The following TTC19 variants were observed in gnomAD, a reference collection of about 807,000 sequenced individuals.
The protein encoded by TTC19 is tetratricopeptide repeat protein 19, mitochondrial.
TTC19 carries 38 observed loss-of-function variants against 49.5 expected under a neutral mutation model. That is an observed-to-expected ratio of 0.77 (90% CI 0.59 to 1.01). TTC19 has a LOEUF of 1.01. Among genes scored for constraint, TTC19 ranks in the 50% least tolerant of loss-of-function variants. TTC19 has a pLI of 0.00. For missense variants in TTC19, 475 were observed against 477.7 expected, an observed-to-expected ratio of 0.99 and a Z score of 0.05; for synonymous variants, 204 against 185.2, an observed-to-expected ratio of 1.10 and a Z score of -0.83.
intron 7 of TTC19, among the ~76,000 whole-genome samples, chr17:16,021,018 T>G (rs1047031547): frequency 6.6e-6 from 1 of 151,728 alleles, no homozygotes; most frequent in African/African-American, 2.4e-5. Context: ...GTTCATTCAT[T>G]CAACAATTCA....
chr17:16,017,089 A>C (rs71358384), intron 7 of TTC19, among the ~76,000 whole-genome samples: 1 of 152,204 alleles, frequency 6.6e-6, no homozygotes, highest in Non-Finnish European at 1.5e-5. Flanking sequence ...TTGTCCCTTC[A>C]TCAGGAAAAT....
intron 7 of TTC19, among the ~76,000 whole-genome samples, chr17:16,020,885 G>C (rs1055758841): frequency 2.0e-5 from 3 of 152,020 alleles, no homozygotes; most frequent in Non-Finnish European, 4.4e-5. Flanking sequence ...ATGAGGTTTC[G>C]CTATGTTGTC....
intron 7 of TTC19, among the ~76,000 whole-genome samples, chr17:16,016,552 ATT>A (rs769994419): frequency 6.4e-5 from 6 of 94,052 alleles, no homozygotes; most frequent in Admixed American, 1.1e-4. Context: ...AGTTGTTCTA[ATT>A]TTTTTTTTTT....
intron 2 of TTC19, among the ~76,000 whole-genome samples, chr17:16,043,884 A>C (rs2058182753): frequency 6.6e-6 from 1 of 152,216 alleles, no homozygotes; most frequent in African/African-American, 2.4e-5. Flanking sequence ...TTTTTTGAAA[A>C]GGTGGCCGGA....
rs1356314727 is a variant in TTC19 at position 15,999,883 on chromosome 17, G to A, written c.35G>A (p.Gly12Asp). 6.4e-6 allele frequency: 9 copies of A among 1,416,422 alleles called. No individual in the cohort carries two copies. The highest frequency in any genetic ancestry group is 1.5e-5 in the African/African-American group (1 of 66,312). The allele number at this position is 1,416,422 out of a possible 1,614,324, so 87.7% of individuals were successfully genotyped here. Residue 12 changes from glycine (G) to aspartate (D), a missense_variant, in exon 1 of 10, where the codon GGC becomes GAC. Coordinates refer to ENST00000261647, the MANE Select transcript of TTC19 (RefSeq NM_017775.4). The part of the protein sequence containing the change: ...FRLLSWSLGR[G>D]FLRAAGRRCR... ...CTCCTGAGCTGGAGCCTGGGCCGAG[G>A]CTTCCTGCGGGCCGCGGGGCGGCGG...
chr17:16,006,455 T>C lies in TTC19; in HGVS notation c.582-19T>C. 1 of 1,534,370 alleles carries C rather than the reference T, an allele frequency of 6.5e-7. No individual in the cohort carries two copies. Among genetic ancestry groups the C allele is most frequent in the Non-Finnish European group, 9.0e-7 (1 of 1,107,952 alleles). The stretch of plus-strand genomic sequence containing the variant: ...AAAGAAGAAAAGGTAAATGGCTGAT[T>C]ATTGATTTTGCTTTACAGACAGGAA... On this transcript the variant is annotated intron_variant, in intron 6 of 9. Coordinates refer to ENST00000261647, the MANE Select transcript of TTC19 (RefSeq NM_017775.4).
chr17:16,044,972 A>T (rs2058414509), exon 3 of TTC19: 1 of 545,440 alleles, frequency 1.8e-6, no homozygotes, highest in African/African-American at 1.9e-5. Context: ...ATTTCTTATA[A>T]CGTGTTCAAT....
chr17:16,013,403 T>G (rs540168282), intron 7 of TTC19, among the ~76,000 whole-genome samples: 7 of 152,232 alleles, frequency 4.6e-5, no homozygotes, highest in Non-Finnish European at 1.0e-4. Flanking sequence ...GCAAAAGTCC[T>G]TGCTCTTCTG....
chr17:16,027,994 T>C lies in TTC19; in HGVS notation c.*472T>C, dbSNP rs760575382. On this transcript the variant is annotated 3_prime_UTR_variant, in exon 10 of 10. Coordinates refer to ENST00000261647, the MANE Select transcript of TTC19 (RefSeq NM_017775.4). ...GGGGATTATGGTGAATTGTTGTTCT[T>C]ATAGTCTGTTTCATGAAGCACAAGT... The C allele has an allele frequency of 2.2e-6, 1 of 454,224 alleles. No homozygotes were observed. Among genetic ancestry groups the C allele is most frequent in the Non-Finnish European group, 4.4e-6 (1 of 226,874 alleles). The allele number at this position is 454,224 out of a possible 1,614,324, so 28.1% of individuals were successfully genotyped here. A position where few individuals can be genotyped will look rare whatever the true frequency, so the allele number is the denominator to read the frequency against.
At chr17:16,022,411 C>T (rs1971413994) in intron 7 of TTC19, among the ~76,000 whole-genome samples, 1 of 152,206 alleles carries the variant, frequency 6.6e-6, no homozygotes, top group African/African-American at 2.4e-5. Flanking sequence ...ACCATTAACA[C>T]TCATCAGAAA....
rs773086179 is a variant in TTC19, at chr17:16,028,890, T to C, written c.*1368T>C. On this transcript the variant is annotated 3_prime_UTR_variant, in exon 10 of 10. Transcript: ENST00000261647. ...AACACCAGAAACCTTGAGGTCCAAA[T>C]CCTCAGGGATTAGACTAAAACTAGA... 1.1e-4 allele frequency: 43 copies of C among 391,040 alleles called. No homozygotes were observed. The highest frequency in any genetic ancestry group is 6.7e-4 in the South Asian group (36 of 54,022). The allele number at this position is 391,040 out of a possible 1,614,324, so 24.2% of individuals were successfully genotyped here. A position where few individuals can be genotyped will look rare whatever the true frequency, so the allele number is the denominator to read the frequency against.
rs913641566 is a variant in TTC19, at chr17:16,000,043, C to T, written c.184+11C>T. On this transcript the variant is annotated intron_variant, in intron 1 of 9. Coordinates refer to ENST00000261647, the MANE Select transcript of TTC19 (RefSeq NM_017775.4). ...TGCCGCTGCTGGCAGGTGAGGGGCG[C>T]GGGCCGGGCGGGGCCGGCCGGGCGG... 7.9e-7 allele frequency: 1 copy of T among 1,262,364 alleles called. No homozygotes were observed. The highest frequency in any genetic ancestry group is 9.9e-7 in the Non-Finnish European group (1 of 1,006,532). 78.2% of individuals were successfully genotyped at this position (1,262,364 alleles called of 1,614,324 possible).
At chr17:16,039,088 C>T in intron 2 of TTC19, 1 of 211,170 alleles carries the variant, frequency 4.7e-6, no homozygotes. Flanking sequence ...TTCTTTTCTA[C>T]TGAGCCTAAT....
chr17:16,018,851 A>G (rs979876613), intron 7 of TTC19, among the ~76,000 whole-genome samples: 1 of 152,172 alleles, frequency 6.6e-6, no homozygotes, highest in Admixed American at 6.5e-5. Context: ...AAACAAAAGT[A>G]AAGTTTTGAG....
chr17:16,022,667 A>G (rs1198214548), intron 7 of TTC19, among the ~76,000 whole-genome samples: 1 of 152,148 alleles, frequency 6.6e-6, no homozygotes, highest in Admixed American at 6.5e-5. Flanking sequence ...CCTTTAGTCT[A>G]TATTTATGTA....
At chr17:16,012,679 C>T (rs1184003757) in intron 7 of TTC19, among the ~76,000 whole-genome samples, 9 of 151,972 alleles carry the variant, frequency 5.9e-5, no homozygotes, top group Admixed American at 1.3e-4. Flanking sequence ...GCTGGGATTA[C>T]AGGCATATGC....
intron 2 of TTC19, among the ~76,000 whole-genome samples, chr17:16,035,151 G>T (rs1398346100): frequency 6.6e-6 from 1 of 152,148 alleles, no homozygotes. Flanking sequence ...CTGGTGGATG[G>T]TCTTGCCTCC....
chr17:16,001,074 A>G (rs1278161866), intron 2 of TTC19, among the ~76,000 whole-genome samples: 2 of 152,138 alleles, frequency 1.3e-5, no homozygotes, highest in Non-Finnish European at 2.9e-5. Flanking sequence ...ATTGCCACCA[A>G]CTATGCTCCA....
chr17:16,017,368 G>A (rs566767715), intron 7 of TTC19, among the ~76,000 whole-genome samples: 9 of 144,794 alleles, frequency 6.2e-5, no homozygotes, highest in South Asian at 2.1e-4. Context: ...AGAATGGCAC[G>A]AACCCAGAAG....
Sources: gnomAD v4.1 joint callset for allele counts (sites outside exome capture counted in the v4.1 genomes callset) on GRCh38, gnomAD v4.1.1 for gene constraint, MANE v1.5 for transcripts, NCBI Gene and HGNC (gene_info 2026-07-23, HGNC 2026-07-21) for gene names.